The following SPOCK1 variants were observed in gnomAD, a reference collection of about 807,000 sequenced individuals.
SPOCK1 encodes SPARC (osteonectin), cwcv and kazal like domains proteoglycan 1.
Under a neutral mutation model 55.3 loss-of-function variants are expected in SPOCK1, and 23 were observed. The observed-to-expected ratio is 0.42, with a 90% CI of 0.30 to 0.59. The LOEUF (loss-of-function observed/expected upper bound fraction) is 0.59, where lower values mean the gene tolerates loss of function less well. SPOCK1 is among the 20% of genes least tolerant of loss of function. SPOCK1 has a pLI of 0.22. For missense variants in SPOCK1, 499 were observed against 552.5 expected (o/e 0.90, Z 0.97); for synonymous variants, 226 against 221.0 (o/e 1.02, Z -0.20).
chr5:137,310,112 G>A (rs956020216), intron 2 of SPOCK1, among the ~76,000 whole-genome samples: 3 of 152,142 alleles, frequency 2.0e-5, no homozygotes, highest in African/African-American at 4.8e-5. Context: ...CTAGCTGTGT[G>A]TCTCAGCCAA....
intron 3 of SPOCK1, among the ~76,000 whole-genome samples, chr5:137,259,756 T>C (rs1360764206): frequency 6.6e-6 from 1 of 151,658 alleles, no homozygotes; most frequent in African/African-American, 2.4e-5. Flanking sequence ...AATAAGCTTA[T>C]GGGAGAGGCA....
At chr5:137,172,384 A>C (rs1754769313) in intron 3 of SPOCK1, among the ~76,000 whole-genome samples, 1 of 152,156 alleles carries the variant, frequency 6.6e-6, no homozygotes, top group Non-Finnish European at 1.5e-5. Flanking sequence ...ACAGGGCTTG[A>C]TATGGTGAGC....
chr5:137,158,343 C>A (rs556241659), intron 3 of SPOCK1, among the ~76,000 whole-genome samples: 1 of 152,198 alleles, frequency 6.6e-6, no homozygotes, highest in African/African-American at 2.4e-5. Flanking sequence ...TCCAGCCTCT[C>A]GCAGGCTCTG....
chr5:137,154,659 A>G (rs1015866155), intron 3 of SPOCK1, among the ~76,000 whole-genome samples: 5 of 152,206 alleles, frequency 3.3e-5, no homozygotes, highest in African/African-American at 1.2e-4. Context: ...GAGGTTCATC[A>G]GCACCAATGG....
intron 3 of SPOCK1, among the ~76,000 whole-genome samples, chr5:137,234,280 G>GGGCTGCTTTCTTCT (rs1463733819): frequency 6.6e-6 from 1 of 152,108 alleles, no homozygotes; most frequent in African/African-American, 2.4e-5. Flanking sequence ...CTTACCCTGG[G>GGGCTGCTTTCTTCT]GCTGGGTTCA....
chr5:137,044,305 T>G (rs1402847185), intron 6 of SPOCK1, among the ~76,000 whole-genome samples: 1 of 152,206 alleles, frequency 6.6e-6, no homozygotes, highest in African/African-American at 2.4e-5. Context: ...CATCGGAAAT[T>G]ACCATAGCAG....
At chr5:137,169,975 A>T (rs1230403837) in intron 3 of SPOCK1, among the ~76,000 whole-genome samples, 1 of 152,200 alleles carries the variant, frequency 6.6e-6, no homozygotes, top group African/African-American at 2.4e-5. Flanking sequence ...TTTTACAGGG[A>T]AAAGAGATAT....
intron 2 of SPOCK1, among the ~76,000 whole-genome samples, chr5:137,312,231 A>C (rs978872175): frequency 6.6e-6 from 1 of 152,188 alleles, no homozygotes; most frequent in African/African-American, 2.4e-5. Context: ...GCTGGCCTGA[A>C]AGAGCTTACC....
intron 3 of SPOCK1, among the ~76,000 whole-genome samples, chr5:137,234,246 G>A (rs536043202): frequency 6.6e-6 from 1 of 152,266 alleles, no homozygotes; most frequent in African/African-American, 2.4e-5. Context: ...GGACCAGCAG[G>A]GAGGCCAGTA....
At chr5:137,325,217 C>T (rs1758054759) in intron 2 of SPOCK1, among the ~76,000 whole-genome samples, 1 of 152,096 alleles carries the variant, frequency 6.6e-6, no homozygotes, top group Non-Finnish European at 1.5e-5. Context: ...ATTGAAAAAA[C>T]TATTTACCAA....
chr5:137,477,645 G>A (rs553590612), intron 2 of SPOCK1, among the ~76,000 whole-genome samples: 1 of 152,280 alleles, frequency 6.6e-6, no homozygotes, highest in East Asian at 1.9e-4. Context: ...GCTAGAGTAG[G>A]TCAATGTCCA....
chr5:137,267,688 G>A (rs576592152), intron 2 of SPOCK1, among the ~76,000 whole-genome samples: 7 of 152,266 alleles, frequency 4.6e-5, no homozygotes, highest in African/African-American at 1.4e-4. Flanking sequence ...TCTGAGGCTA[G>A]GCAATTCATT....
chr5:137,271,043 T>C (rs1044730904), intron 2 of SPOCK1, among the ~76,000 whole-genome samples: 8 of 151,440 alleles, frequency 5.3e-5, no homozygotes, highest in African/African-American at 1.9e-4. Context: ...TTTTAAAAAG[T>C]CACCATAAAG....
intron 5 of SPOCK1, among the ~76,000 whole-genome samples, chr5:137,105,051 A>G (rs1753339390): frequency 6.6e-6 from 1 of 152,144 alleles, no homozygotes; most frequent in South Asian, 2.1e-4. Flanking sequence ...TCTTTTCCCC[A>G]CTACCATCCA....
intron 3 of SPOCK1, among the ~76,000 whole-genome samples, chr5:137,174,438 C>A (rs1754814357): frequency 6.6e-6 from 1 of 152,184 alleles, no homozygotes; most frequent in South Asian, 2.1e-4. Flanking sequence ...GGCTACAATT[C>A]CTAATTATTT....
At position 137,029,642 on chromosome 5, in the gene SPOCK1, A is replaced by G. The variant is rs533555093; in HGVS notation, c.590-37042T>C. Among the ~76,000 whole-genome samples, 8 of 152,322 alleles carry G rather than the reference A, an allele frequency of 5.3e-5. No homozygotes were observed. The South Asian group carries it at 1.7e-3, about 32-fold the overall frequency. ...ACTTGGTTTGGCAAGGAAGCCAGAG[A>G]TCATGCTAGGGTCATGGCAAAAGCC... On this transcript the variant is annotated intron_variant, in intron 6 of 10. Transcript: ENST00000394945.
intron 2 of SPOCK1, among the ~76,000 whole-genome samples, chr5:137,377,831 A>G (rs1358985303): frequency 6.6e-6 from 1 of 152,122 alleles, no homozygotes; most frequent in African/African-American, 2.4e-5. Flanking sequence ...TCAGTCCTGA[A>G]TGGAATTTCT....
At chr5:137,146,230 GC>G (rs1376546441) in intron 3 of SPOCK1, among the ~76,000 whole-genome samples, 1 of 152,134 alleles carries the variant, frequency 6.6e-6, no homozygotes, top group African/African-American at 2.4e-5. Context: ...CTTTTCTCCT[GC>G]CAGGAACCTC....
chr5:137,216,306 T>C (rs1755714519), intron 3 of SPOCK1, among the ~76,000 whole-genome samples: 1 of 152,228 alleles, frequency 6.6e-6, no homozygotes, highest in Non-Finnish European at 1.5e-5. Flanking sequence ...TTAGCTGTTA[T>C]GGCTCATTCA....
Sources: gnomAD v4.1 joint callset for allele counts (sites outside exome capture counted in the v4.1 genomes callset) on GRCh38, gnomAD v4.1.1 for gene constraint, MANE v1.5 for transcripts, NCBI Gene and HGNC (gene_info 2026-07-23, HGNC 2026-07-21) for gene names.